Variants in ZFX observed in about 807,000 individuals in gnomAD.
The protein encoded by ZFX is zinc finger X-chromosomal protein.
For missense variants in ZFX, 362 were observed against 628.3 expected, an observed-to-expected ratio of 0.58 and a Z score of 4.53; for synonymous variants, 196 against 226.8, an observed-to-expected ratio of 0.86 and a Z score of 1.22.
chrX:24,201,299 C>T (rs1164841478), intron 5 of ZFX, among the ~76,000 whole-genome samples: 3 of 112,444 alleles, frequency 2.7e-5, no homozygotes, highest in African/African-American at 6.5e-5. Context: ...CAGGTAAGCT[C>T]ATATATTTGG....
intron 9 of ZFX, among the ~76,000 whole-genome samples, chrX:24,209,504 G>A (rs903542122): frequency 6.2e-5 from 7 of 112,153 alleles, no homozygotes; most frequent in African/African-American, 1.9e-4. Flanking sequence ...CGTAAGTTAT[G>A]TTTTTTGGAA....
rs1396295927 is a variant in ZFX, at chrX:24,211,459, C to A, written c.*83C>A. The stretch of plus-strand genomic sequence containing the variant: ...AAAGCCAATCAGTCTCATTCACATA[C>A]AATACTGTATATTGATTTATGCTGT... On this transcript the variant is annotated 3_prime_UTR_variant, in exon 10 of 10. Coordinates refer to ENST00000304543, the MANE Select transcript of ZFX (RefSeq NM_003410.4). 40 of 1,009,499 alleles carry A rather than the reference C, an allele frequency of 4.0e-5. No individual in the cohort carries two copies. The highest frequency in any genetic ancestry group is 5.3e-5 in the Non-Finnish European group (39 of 734,815). 83.2% of individuals were successfully genotyped at this position (1,009,499 alleles called of 1,213,427 possible).
chrX:24,201,599 A>G (rs1488219797), intron 5 of ZFX, among the ~76,000 whole-genome samples: 1 of 112,484 alleles, frequency 8.9e-6, no homozygotes, highest in African/African-American at 3.2e-5. Context: ...TGAGTTATCC[A>G]AAGATGTTAC....
chrX:24,193,432 G>A (rs1410843590), intron 5 of ZFX, among the ~76,000 whole-genome samples: 2 of 111,967 alleles, frequency 1.8e-5, no homozygotes, highest in Non-Finnish European at 3.8e-5. Flanking sequence ...GAGATTGGGG[G>A]AAGAATGAGT....
intron 3 of ZFX, among the ~76,000 whole-genome samples, chrX:24,160,298 C>CTTT (rs397966885): frequency 3.2e-4 from 27 of 84,113 alleles, no homozygotes; most frequent in African/African-American, 4.5e-4. Context: ...AATTGAAATG[C>CTTT]TTTTTTTTTT....
At chrX:24,164,369 C>T (rs900167979) in intron 3 of ZFX, among the ~76,000 whole-genome samples, 4 of 112,101 alleles carry the variant, frequency 3.6e-5, no homozygotes, top group African/African-American at 1.3e-4. Flanking sequence ...AATTCTGGAA[C>T]TGTCCATTTA....
chrX:24,210,954 A>G lies in ZFX; in HGVS notation c.1996A>G (p.Met666Val). Residue 666 changes from methionine (M) to valine (V), a missense_variant, in exon 10 of 10, where the codon ATG (methionine) becomes GTG (valine). By Grantham distance (21) the Met-to-Val change is conservative. Transcript: ENST00000304543. ...HTKDYPHKCD[M>V]CDKGFHRPSE... ...GAAAGACTACCCCCATAAGTGTGAC[A>G]TGTGTGATAAAGGCTTTCACAGGCC... The G allele has an allele frequency of 8.3e-7, 1 of 1,212,103 alleles. No homozygotes were observed. The highest frequency in any genetic ancestry group is 1.1e-6 in the Non-Finnish European group (1 of 895,584).
chrX:24,158,029 G>A (rs1198115587), intron 3 of ZFX, among the ~76,000 whole-genome samples: 5 of 111,136 alleles, frequency 4.5e-5, no homozygotes, highest in Non-Finnish European at 9.4e-5. Context: ...AAAGTGCTAG[G>A]ATTACAGGCA....
chrX:24,212,901 G>GT lies in ZFX; in HGVS notation c.*1534dup, dbSNP rs145098747. The GT allele has an allele frequency of 0.23, 24,664 of 107,783 alleles. 2,293 individuals are homozygous for GT. Among genetic ancestry groups the GT allele is most frequent in the Non-Finnish European group, 0.26 (13,538 of 51,790 alleles). The allele number at this position is 107,783 out of a possible 1,213,427, so 8.9% of individuals were successfully genotyped here. On this transcript the variant is annotated 3_prime_UTR_variant, in exon 10 of 10. Transcript: ENST00000304543. The stretch of plus-strand genomic sequence containing the variant: ...TTTTGTTTGTTTGTTTTTTTTTGTT[G>GT]TTTTTTTTTCTTAAGACGGAGTCTT...
intron 3 of ZFX, among the ~76,000 whole-genome samples, chrX:24,160,591 G>A (rs762903610): frequency 2.0e-4 from 22 of 111,246 alleles, no homozygotes; most frequent in Middle Eastern, 4.6e-3. Flanking sequence ...GAGCCACTGA[G>A]CCCAGCCGAA....
At chrX:24,207,572 T>C (rs1937682633) in intron 6 of ZFX, 97 bp downstream of exon 6, 1 of 1,130,189 alleles carries the variant, frequency 8.8e-7, no homozygotes. Flanking sequence ...GAGTCTCTTC[T>C]GAAGTAACTT....
Position 24,212,895 on chromosome X carries a change from T to TTTG in ZFX, c.*1525_*1527dup, listed in dbSNP as rs1402221532. 3.0e-5 allele frequency: 3 copies of TTTG among 99,389 alleles called. No homozygotes were observed. Among genetic ancestry groups the TTTG allele is most frequent in the African/African-American group, 1.1e-4 (3 of 28,157 alleles). The allele number at this position is 99,389 out of a possible 1,213,427, so 8.2% of individuals were successfully genotyped here. ...CAGGTTTTTTGTTTGTTTGTTTTTT[T>TTTG]TTGTTGTTTTTTTTTCTTAAGACGG... On this transcript the variant is annotated 3_prime_UTR_variant, in exon 10 of 10. Transcript: ENST00000304543.
In ZFX at chrX:24,210,831, C is replaced by T; in HGVS notation, c.1873C>T (p.Leu625Phe). The T allele has an allele frequency of 8.3e-7, 1 of 1,211,954 alleles. No homozygotes were observed. Among genetic ancestry groups the T allele is most frequent in the Non-Finnish European group, 1.1e-6 (1 of 895,558 alleles). Residue 625 changes from leucine (L) to phenylalanine (F), a missense_variant, in exon 10 of 10, where the codon CTT (leucine) becomes TTT (phenylalanine). Coordinates refer to ENST00000304543, the MANE Select transcript of ZFX (RefSeq NM_003410.4). ...TACCAAAGAGGTGCAGCAACATGCTCTTATCCACCAAGAAAGCAAAACACA... is the reference window on the plus strand; with the variant it reads ...TACCAAAGAGGTGCAGCAACATGCTTTTATCCACCAAGAAAGCAAAACACA... ...SDTKEVQQHA[L>F]IHQESKTHQC... is the part of the protein sequence containing the mutation.
chrX:24,213,725 G>A lies in ZFX; in HGVS notation c.*2349G>A, dbSNP rs1938274768. ...AAACTAACTTACAATTTTGTGATCCGTGATTCATTGCCCTGCGATTCTTGA... is the reference window on the plus strand; with the variant it reads ...AAACTAACTTACAATTTTGTGATCCATGATTCATTGCCCTGCGATTCTTGA... On this transcript the variant is annotated 3_prime_UTR_variant, in exon 10 of 10. Coordinates refer to ENST00000304543, the MANE Select transcript of ZFX (RefSeq NM_003410.4). 2 of 97,739 alleles carry A rather than the reference G, an allele frequency of 2.0e-5. No homozygotes were observed. Among genetic ancestry groups the A allele is most frequent in the African/African-American group, 3.8e-5 (1 of 26,552 alleles). 8.1% of individuals were successfully genotyped at this position (97,739 alleles called of 1,213,427 possible).
intron 5 of ZFX, among the ~76,000 whole-genome samples, chrX:24,193,612 A>G (rs1936690351): frequency 7.1e-5 from 8 of 112,085 alleles, no homozygotes; most frequent in Middle Eastern, 4.6e-3. Context: ...GGGCCAAGCA[A>G]CAATCCCCTA....
chrX:24,171,086 T>C (rs764991477), intron 3 of ZFX, among the ~76,000 whole-genome samples: 80 of 112,058 alleles, frequency 7.1e-4, no homozygotes, highest in African/African-American at 2.5e-3. Flanking sequence ...TGGATTTTTT[T>C]AAGGACTATA....
intron 9 of ZFX, among the ~76,000 whole-genome samples, chrX:24,209,605 G>T (rs935400700): frequency 9.0e-6 from 1 of 110,778 alleles, no homozygotes; most frequent in Admixed American, 9.6e-5. Flanking sequence ...GCAGAATCTT[G>T]CTCTCTTGCC....
At chrX:24,193,118 G>A (rs779654768) in intron 5 of ZFX, among the ~76,000 whole-genome samples, 2 of 111,403 alleles carry the variant, frequency 1.8e-5, no homozygotes, top group African/African-American at 3.3e-5. Flanking sequence ...TTGAAAACAT[G>A]TTCACACAAA....
chrX:24,163,836 AAAAG>A (rs201124785), intron 3 of ZFX, among the ~76,000 whole-genome samples: 1,123 of 77,200 alleles, frequency 0.015, 33 homozygotes, highest in African/African-American at 0.052. Flanking sequence ...TCTTTTAAAA[AAAAG>A]AAAAAAAAAA....
Sources: gnomAD v4.1 joint callset for allele counts (sites outside exome capture counted in the v4.1 genomes callset) on GRCh38, gnomAD v4.1.1 for gene constraint, MANE v1.5 for transcripts, NCBI Gene and HGNC (gene_info 2026-07-23, HGNC 2026-07-21) for gene names.